SPATA13: variants seen among roughly 807,000 people sequenced by gnomAD.
The protein encoded by SPATA13 is spermatogenesis-associated protein 13.
A neutral mutation model predicts 104.0 loss-of-function variants in SPATA13; 50 were observed. That is an observed-to-expected ratio of 0.48 (90% CI 0.38 to 0.61). SPATA13 has a LOEUF of 0.61. Among genes scored for constraint, SPATA13 ranks in the 20% least tolerant of loss-of-function variants. SPATA13 has a pLI of 0.00. For missense variants in SPATA13, 1,524 were observed against 1,690.6 expected (o/e 0.90, Z 1.73); for synonymous variants, 606 against 667.5 (o/e 0.91, Z 1.42).
chr13:24,099,904 G>T (rs902860774), intron 3 of SPATA13, among the ~76,000 whole-genome samples: 2 of 152,198 alleles, frequency 1.3e-5, no homozygotes, highest in East Asian at 1.9e-4. Flanking sequence ...TGGATGAAAA[G>T]CTACGAAGAA....
intron 1 of SPATA13, among the ~76,000 whole-genome samples, chr13:24,177,070 T>G (rs1001350157): frequency 6.6e-6 from 1 of 152,108 alleles, no homozygotes; most frequent in African/African-American, 2.4e-5. Context: ...CAGCCTGTAG[T>G]ATATACTTTT....
chr13:24,275,189 G>C (rs1394315904), intron 4 of SPATA13, among the ~76,000 whole-genome samples: 2 of 152,140 alleles, frequency 1.3e-5, no homozygotes, highest in Non-Finnish European at 2.9e-5. Context: ...TGGGGACTGG[G>C]GCATTCTACT....
intron 1 of SPATA13, among the ~76,000 whole-genome samples, chr13:24,184,658 T>C (rs972256856): frequency 6.6e-6 from 1 of 152,176 alleles, no homozygotes; most frequent in Non-Finnish European, 1.5e-5. Flanking sequence ...AGGAGTTTTG[T>C]TTTCTGTGCA....
At chr13:24,158,431 G>A (rs1039295862), upstream of SPATA13, among the ~76,000 whole-genome samples, 7 of 152,126 alleles carry the variant, frequency 4.6e-5, no homozygotes, top group African/African-American at 1.2e-4. Context: ...GCTATTGCTC[G>A]TCCTAATCTC....
At chr13:24,272,185 G>T (rs1045789333) in intron 4 of SPATA13, among the ~76,000 whole-genome samples, 1 of 152,154 alleles carries the variant, frequency 6.6e-6, no homozygotes, top group Non-Finnish European at 1.5e-5. Context: ...AGGGGTGGGG[G>T]GCAGGTGGCC....
intron 2 of SPATA13, among the ~76,000 whole-genome samples, chr13:24,248,861 A>G (rs1182338518): frequency 6.6e-6 from 1 of 151,670 alleles, no homozygotes; most frequent in African/African-American, 2.4e-5. Flanking sequence ...TCATTTTACT[A>G]ATTCACGATG....
chr13:23,996,616 C>CTGA (rs142743167), intron 2 of SPATA13, among the ~76,000 whole-genome samples: 117,384 of 151,850 alleles, frequency 0.77, 45,610 homozygotes, highest in African/African-American at 0.81. Flanking sequence ...CTGTGCTTGG[C>CTGA]TGATTGGCTG....
At chr13:24,189,334 G>A (rs1344175482) in intron 1 of SPATA13, among the ~76,000 whole-genome samples, 2 of 151,564 alleles carry the variant, frequency 1.3e-5, no homozygotes, top group Non-Finnish European at 2.9e-5. Flanking sequence ...AGCCAGGCAT[G>A]GTGGCGGGTG....
chr13:24,099,358 C>G (rs967163789), intron 3 of SPATA13, among the ~76,000 whole-genome samples: 3 of 152,204 alleles, frequency 2.0e-5, no homozygotes, highest in African/African-American at 2.4e-5. Flanking sequence ...CCTGTCCTGT[C>G]CAACAAGTTA....
At chr13:24,158,292 G>A (rs1882322323), upstream of SPATA13, among the ~76,000 whole-genome samples, 1 of 152,206 alleles carries the variant, frequency 6.6e-6, no homozygotes, top group Non-Finnish European at 1.5e-5. Context: ...TTGTCTGCGA[G>A]GCTGTGAGTG....
At chr13:24,085,488 T>A (rs1234883261) in intron 3 of SPATA13, among the ~76,000 whole-genome samples, 1 of 152,182 alleles carries the variant, frequency 6.6e-6, no homozygotes, top group African/African-American at 2.4e-5. Flanking sequence ...GGCAGTGCCG[T>A]CTGGAAGCCC....
intron 4 of SPATA13, among the ~76,000 whole-genome samples, chr13:24,262,266 AT>A (rs1476842716): frequency 6.6e-6 from 1 of 150,680 alleles, no homozygotes; most frequent in Non-Finnish European, 1.5e-5. Context: ...ATTTATTCAA[AT>A]TCTTTGTATT....
rs967290876 is a variant in SPATA13 at position 24,306,809 on chromosome 13, A to C, written c.*4036A>C. ...TCCATTCTGTATGACTCGCTAACCTACTTTGCAAGGCTTTGGGCAACATTT... is the reference window on the plus strand; with the variant it reads ...TCCATTCTGTATGACTCGCTAACCTCCTTTGCAAGGCTTTGGGCAACATTT... On this transcript the variant is annotated 3_prime_UTR_variant, in exon 13 of 13. Transcript: ENST00000382108. The C allele has an allele frequency of 6.6e-6, 1 of 152,154 alleles. No homozygotes were observed. Among genetic ancestry groups the C allele is most frequent in the African/African-American group, 2.4e-5 (1 of 41,426 alleles). The allele number at this position is 152,154 out of a possible 1,614,324, so 9.4% of individuals were successfully genotyped here.
At chr13:23,984,675 C>T (rs892842974) in intron 2 of SPATA13, among the ~76,000 whole-genome samples, 4 of 152,220 alleles carry the variant, frequency 2.6e-5, no homozygotes, top group South Asian at 2.1e-4. Context: ...TTCCAAGGAA[C>T]ACGGAAAGTG....
chr13:24,074,614 T>G (rs573335195), intron 3 of SPATA13, among the ~76,000 whole-genome samples: 2 of 145,788 alleles, frequency 1.4e-5, no homozygotes, highest in Non-Finnish European at 3.0e-5. Flanking sequence ...TTATCTAAAT[T>G]TTACCAATGA....
intron 4 of SPATA13, among the ~76,000 whole-genome samples, chr13:24,274,860 T>G (rs1418582879): frequency 2.0e-5 from 3 of 152,212 alleles, no homozygotes; most frequent in Non-Finnish European, 4.4e-5. Context: ...CAGCTGCTCA[T>G]TAGCTAGGCA....
chr13:24,045,109 A>G (rs1878089897), intron 3 of SPATA13, among the ~76,000 whole-genome samples: 1 of 117,294 alleles, frequency 8.5e-6, no homozygotes, highest in African/African-American at 3.9e-5. Flanking sequence ...AAATCACCCT[A>G]TGTATAATTT....
At chr13:24,120,763 G>A (rs891062200) in intron 3 of SPATA13, among the ~76,000 whole-genome samples, 10 of 152,224 alleles carry the variant, frequency 6.6e-5, no homozygotes, top group Admixed American at 1.3e-4. Flanking sequence ...CCTTGCACAT[G>A]TTTAGAAGCT....
chr13:24,261,941 T>C (rs1874081577), intron 4 of SPATA13, among the ~76,000 whole-genome samples: 1 of 152,232 alleles, frequency 6.6e-6, no homozygotes, highest in Non-Finnish European at 1.5e-5. Context: ...GGCTCAGGAC[T>C]AATGAAAAAC....
Sources: gnomAD v4.1 joint callset for allele counts (sites outside exome capture counted in the v4.1 genomes callset) on GRCh38, gnomAD v4.1.1 for gene constraint, MANE v1.5 for transcripts, NCBI Gene and HGNC (gene_info 2026-07-23, HGNC 2026-07-21) for gene names.